DRC11: variants seen among roughly 807,000 people sequenced by gnomAD.
DRC11 encodes IQ and AAA domain-containing protein 1.
chr2:236,311,392 G>A, the DRC11 span, among the ~76,000 whole-genome samples: 23 of 152,294 alleles, frequency 1.5e-4, no homozygotes, highest in African/African-American at 5.3e-4. The surrounding 1 kb of genome is among the most constrained non-coding windows in gnomAD (Gnocchi z 6.9). Context: ...AGTTTCTCCC[G>A]ATCCCAGGGA....
At chr2:236,407,810 G>A in the DRC11 span, 1 of 266,866 alleles carries the variant, frequency 3.7e-6, no homozygotes, top group Non-Finnish European at 7.4e-6. Context: ...ATAACTTTTA[G>A]TGAGACCTCA....
the DRC11 span, among the ~76,000 whole-genome samples, chr2:236,492,883 C>A: frequency 1.3e-5 from 2 of 152,194 alleles, no homozygotes; most frequent in African/African-American, 4.8e-5. Context: ...AAGGAGGTAT[C>A]GGGGCACAGA....
the DRC11 span, among the ~76,000 whole-genome samples, chr2:236,315,781 C>T: frequency 3.9e-5 from 6 of 152,096 alleles, no homozygotes; most frequent in Non-Finnish European, 7.4e-5. The surrounding 1 kb of genome is among the most constrained non-coding windows in gnomAD (Gnocchi z 5.1). Context: ...CATATTCTCA[C>T]AAGTGGCAGC....
At chr2:236,336,742 C>T in the DRC11 span, among the ~76,000 whole-genome samples, 1 of 152,192 alleles carries the variant, frequency 6.6e-6, no homozygotes, top group Non-Finnish European at 1.5e-5. The surrounding 1 kb of genome is among the most constrained non-coding windows in gnomAD (Gnocchi z 7.3). Context: ...ACCAACAGCA[C>T]CATCGCCATC....
the DRC11 span, among the ~76,000 whole-genome samples, chr2:236,358,031 T>G: frequency 8.4e-6 from 1 of 118,808 alleles, no homozygotes; most frequent in Non-Finnish European, 1.6e-5. Flanking sequence ...ATAATATGAA[T>G]ATATATTTAT....
At chr2:236,423,234 C>G in the DRC11 span, among the ~76,000 whole-genome samples, 1 of 151,496 alleles carries the variant, frequency 6.6e-6, no homozygotes, top group Non-Finnish European at 1.5e-5. Context: ...TTCTGCACAG[C>G]AAAAGAAACT....
At chr2:236,360,086 C>T in the DRC11 span, among the ~76,000 whole-genome samples, 1 of 152,152 alleles carries the variant, frequency 6.6e-6, no homozygotes, top group Non-Finnish European at 1.5e-5. The surrounding 1 kb of genome is among the most constrained non-coding windows in gnomAD (Gnocchi z 5.8). Flanking sequence ...AGAGTGAGAA[C>T]AGAAAGATCA....
the DRC11 span, among the ~76,000 whole-genome samples, chr2:236,425,560 G>T: frequency 2.6e-5 from 4 of 151,906 alleles, no homozygotes; most frequent in African/African-American, 7.3e-5. Flanking sequence ...CAGATGTATG[G>T]TTTGCAAATA....
At chr2:236,328,959 G>T in the DRC11 span, among the ~76,000 whole-genome samples, 76,167 of 152,034 alleles carry the variant, frequency 0.5, 20,536 homozygotes, top group African/African-American at 0.71. The surrounding 1 kb of genome is among the most constrained non-coding windows in gnomAD (Gnocchi z 6.7). Flanking sequence ...AATCAAGATG[G>T]CTGCAGTGCT....
chr2:236,362,504 C>T, the DRC11 span, among the ~76,000 whole-genome samples: 2 of 152,120 alleles, frequency 1.3e-5, no homozygotes, highest in Admixed American at 1.3e-4. The surrounding 1 kb of genome is among the most constrained non-coding windows in gnomAD (Gnocchi z 5.7). Flanking sequence ...TTTGCTCCAG[C>T]TGATTATAAG....
At chr2:236,320,461 G>A in the DRC11 span, among the ~76,000 whole-genome samples, 58 of 152,240 alleles carry the variant, frequency 3.8e-4, no homozygotes, top group Non-Finnish European at 6.5e-4. Context: ...GTGGATATGC[G>A]TTTGAAAAGG....
chr2:236,483,349 G>A, the DRC11 span, among the ~76,000 whole-genome samples: 1 of 152,190 alleles, frequency 6.6e-6, no homozygotes, highest in Non-Finnish European at 1.5e-5. The surrounding 1 kb of genome is among the most constrained non-coding windows in gnomAD (Gnocchi z 4.8). Flanking sequence ...GCAAAGGACA[G>A]GCTGGGTCCC....
chr2:236,406,755 T>G, the DRC11 span, among the ~76,000 whole-genome samples: 1 of 152,132 alleles, frequency 6.6e-6, no homozygotes, highest in African/African-American at 2.4e-5. This position sits in a 1 kb window ranked among gnomAD's most constrained non-coding sequence, Gnocchi z 4.7. Flanking sequence ...CACTATTTTT[T>G]TTTTTTTTGA....
chr2:236,321,534 G>A, the DRC11 span, among the ~76,000 whole-genome samples: 1 of 152,240 alleles, frequency 6.6e-6, no homozygotes, highest in Non-Finnish European at 1.5e-5. Context: ...AGGCTGTGAT[G>A]TAAATATCAG....
the DRC11 span, among the ~76,000 whole-genome samples, chr2:236,462,620 G>A: frequency 1.3e-5 from 2 of 152,046 alleles, no homozygotes; most frequent in Non-Finnish European, 2.9e-5. This position sits in a 1 kb window ranked among gnomAD's most constrained non-coding sequence, Gnocchi z 6.4. Context: ...GCAGTGAGCC[G>A]AGATCACATC....
the DRC11 span, among the ~76,000 whole-genome samples, chr2:236,359,015 T>C: frequency 0.18 from 26,406 of 150,704 alleles, 2,502 homozygotes; most frequent in Non-Finnish European, 0.23. This position sits in a 1 kb window ranked among gnomAD's most constrained non-coding sequence, Gnocchi z 4.3. Context: ...TCTTCCTGTA[T>C]CCGCCTTGCC....
the DRC11 span, among the ~76,000 whole-genome samples, chr2:236,499,075 G>A: frequency 9.0e-4 from 137 of 152,284 alleles, no homozygotes; most frequent in Non-Finnish European, 1.7e-3. The surrounding 1 kb of genome is among the most constrained non-coding windows in gnomAD (Gnocchi z 4.7). Flanking sequence ...GAAGCAAGCC[G>A]GTCAAGGGGG....
At chr2:236,479,121 G>C in the DRC11 span, among the ~76,000 whole-genome samples, 1 of 152,080 alleles carries the variant, frequency 6.6e-6, no homozygotes, top group Non-Finnish European at 1.5e-5. This position sits in a 1 kb window ranked among gnomAD's most constrained non-coding sequence, Gnocchi z 4.1. Flanking sequence ...CACTGCACCT[G>C]GCCAGTTTGT....
the DRC11 span, among the ~76,000 whole-genome samples, chr2:236,499,780 G>A: frequency 6.6e-6 from 1 of 152,162 alleles, no homozygotes; most frequent in Non-Finnish European, 1.5e-5. This position sits in a 1 kb window ranked among gnomAD's most constrained non-coding sequence, Gnocchi z 4.7. Context: ...GTCCTTGTGA[G>A]TTCATAGCTT....
Sources: gnomAD v4.1 joint callset for allele counts (sites outside exome capture counted in the v4.1 genomes callset) on GRCh38, gnomAD v4.1.1 for gene constraint, Gnocchi (gnomAD v3.1) non-coding constraint, MANE v1.5 for transcripts, NCBI Gene and HGNC (gene_info 2026-07-23, HGNC 2026-07-21) for gene names.